Variants in AKAP13 observed in about 807,000 individuals in gnomAD.
AKAP13 encodes A-kinase anchoring protein 13, also known as A-kinase anchor protein 13.
AKAP13 carries 80 observed loss-of-function variants against 264.5 expected under a neutral mutation model. The ratio of observed to expected loss-of-function variants is 0.30; its 90% CI spans 0.25 to 0.36. The LOEUF (loss-of-function observed/expected upper bound fraction) is 0.36. Among genes scored for constraint, AKAP13 ranks in the 10% least tolerant of loss-of-function variants. The pLI, the probability that AKAP13 is intolerant of heterozygous loss-of-function variation, is 1.00. For synonymous variants in AKAP13, 1,380 were observed against 1,250.2 expected, an observed-to-expected ratio of 1.10 and a Z score of -2.19; for missense variants, 3,712 against 3,435.2, an observed-to-expected ratio of 1.08 and a Z score of -2.01.
intron 2 of AKAP13, among the ~76,000 whole-genome samples, chr15:85,511,554 C>A (rs2076421944): frequency 6.6e-6 from 1 of 152,114 alleles, no homozygotes; most frequent in African/African-American, 2.4e-5. Context: ...TTAGAGATAC[C>A]CCTTTTTCTC....
At chr15:85,673,862 T>G (rs1394792734) in intron 14 of AKAP13, among the ~76,000 whole-genome samples, 12 of 149,632 alleles carry the variant, frequency 8.0e-5, no homozygotes, top group Non-Finnish European at 1.3e-4. Flanking sequence ...ATTTTTTTTT[T>G]GCATGTTTTT....
rs1267763828 is a variant in AKAP13, at chr15:85,580,681, G to A, written c.2613G>A (p.Glu871=). 1 of 1,614,066 alleles carries A rather than the reference G, an allele frequency of 6.2e-7. No homozygotes were observed. Among genetic ancestry groups the A allele is most frequent in the Non-Finnish European group, 8.5e-7 (1 of 1,180,026 alleles). ...CCAGTCTCACAGGACTTGGTGGAGA[G>A]CATGAGGGTCCCGCCCCTCCAGCAA... The part of the protein sequence containing the change: ...GNTSLTGLGG[E]HEGPAPPAIP... The change falls in exon 7 of 37, where the codon GAG becomes GAA. Residue 871 remains glutamate (E), a synonymous_variant. Transcript: ENST00000394518.
chr15:85,485,791 A>G (rs759436762), intron 2 of AKAP13, 38 bp downstream of exon 2: 1 of 1,598,946 alleles, frequency 6.3e-7, no homozygotes, highest in East Asian at 2.2e-5. Context: ...TTTTGTGTTT[A>G]TCTGTTCTGC....
intron 14 of AKAP13, among the ~76,000 whole-genome samples, chr15:85,676,180 G>T (rs1031973788): frequency 1.3e-5 from 2 of 152,152 alleles, no homozygotes; most frequent in Admixed American, 6.5e-5. Flanking sequence ...CAAAGTGCTG[G>T]GATTACAGGC....
chr15:85,638,642 G>T (rs1359861558), intron 8 of AKAP13, among the ~76,000 whole-genome samples: 4 of 152,116 alleles, frequency 2.6e-5, no homozygotes, highest in Admixed American at 2.0e-4. Flanking sequence ...GAGGTGTAAA[G>T]GCAATATTTA....
rs1597255747 is a variant in AKAP13 at position 85,744,576 on chromosome 15, G to A, written c.8393-52G>A. The A allele has an allele frequency of 1.9e-6, 3 of 1,596,470 alleles. No homozygotes were observed. The East Asian group carries it at 6.7e-5, about 36-fold the overall frequency. On this transcript the variant is annotated intron_variant, in intron 36 of 36. Coordinates refer to ENST00000394518, the MANE Select transcript of AKAP13 (RefSeq NM_007200.5). ...CTTTGGGATGGGGAGGAAGTTCAAT[G>A]AAAGGAGCAGTTTTTCTGAATTTTT...
chr15:85,489,884 A>G (rs1232268780), intron 2 of AKAP13, among the ~76,000 whole-genome samples: 2 of 152,248 alleles, frequency 1.3e-5, no homozygotes, highest in African/African-American at 4.8e-5. Flanking sequence ...TGTTCACCAT[A>G]AAATGTGCAG....
At chr15:85,387,932 T>C (rs1483538427) in intron 1 of AKAP13, among the ~76,000 whole-genome samples, 1 of 152,200 alleles carries the variant, frequency 6.6e-6, no homozygotes, top group Non-Finnish European at 1.5e-5. Context: ...TTTTTAGTAA[T>C]AGAAGCTTTT....
At chr15:85,494,872 AAAT>A (rs1444890375) in intron 2 of AKAP13, among the ~76,000 whole-genome samples, 3 of 152,126 alleles carry the variant, frequency 2.0e-5, no homozygotes, top group African/African-American at 7.2e-5. Flanking sequence ...TAAGAGAAAA[AAAT>A]GTAGCAATTG....
At chr15:85,420,337 C>G (rs1324735541) in intron 1 of AKAP13, among the ~76,000 whole-genome samples, 2 of 152,036 alleles carry the variant, frequency 1.3e-5, no homozygotes, top group African/African-American at 4.8e-5. Context: ...TGCTGAGCTG[C>G]AAAACAGCTT....
intron 2 of AKAP13, among the ~76,000 whole-genome samples, chr15:85,508,750 C>G (rs1379349806): frequency 3.9e-5 from 6 of 152,186 alleles, no homozygotes; most frequent in Admixed American, 3.9e-4. Context: ...CGCCTTCCAT[C>G]CAGTGTTCAT....
At chr15:85,477,485 G>A (rs564845901) in intron 1 of AKAP13, among the ~76,000 whole-genome samples, 6 of 152,100 alleles carry the variant, frequency 3.9e-5, no homozygotes, top group Admixed American at 6.5e-5. Context: ...AGTCTGGCCT[G>A]GCCCTGTTGG....
chr15:85,714,966 CA>C (rs200153697), intron 19 of AKAP13, among the ~76,000 whole-genome samples: 18 of 145,902 alleles, frequency 1.2e-4, no homozygotes, highest in African/African-American at 2.8e-4. Context: ...GACTGCATTT[CA>C]AAAAAAAAAG....
intron 2 of AKAP13, among the ~76,000 whole-genome samples, chr15:85,488,730 G>A (rs1015565831): frequency 1.3e-5 from 2 of 152,216 alleles, no homozygotes; most frequent in Admixed American, 6.5e-5. Context: ...ACGGAATGCA[G>A]CTCTAGAAGC....
At chr15:85,416,412 T>C (rs1426975097) in intron 1 of AKAP13, among the ~76,000 whole-genome samples, 3 of 152,170 alleles carry the variant, frequency 2.0e-5, no homozygotes, top group Non-Finnish European at 4.4e-5. Context: ...CTGGTTTTTT[T>C]CCTCCCTGCT....
At position 85,587,517 on chromosome 15, in the gene AKAP13, G is replaced by A. The variant is rs1259819504; in HGVS notation, c.4161+1694G>A. ...TGTACATTTGTGTACAAAATTATGT[G>A]GACATGTTTTTATATACCTAGTGGA... On this transcript the variant is annotated intron_variant, in intron 8 of 36. Transcript: ENST00000394518. 5.3e-5 allele frequency among the ~76,000 whole-genome samples: 8 copies of A among 152,108 alleles called. No homozygotes were observed. In the East Asian group the frequency reaches 1.5e-3, roughly 29 times the overall value.
chr15:85,413,378 A>T (rs1008189477), intron 1 of AKAP13, among the ~76,000 whole-genome samples: 1 of 152,176 alleles, frequency 6.6e-6, no homozygotes, highest in Non-Finnish European at 1.5e-5. Flanking sequence ...ATTTTTCAGG[A>T]TGGCTGTAGT....
At chr15:85,426,758 C>G (rs1344912760) in intron 1 of AKAP13, among the ~76,000 whole-genome samples, 1 of 152,094 alleles carries the variant, frequency 6.6e-6, no homozygotes, top group East Asian at 1.9e-4. Context: ...ATCTCTCTGT[C>G]TGCAATGTTT....
chr15:85,618,243 C>T (rs2081027447), intron 8 of AKAP13, among the ~76,000 whole-genome samples: 1 of 152,200 alleles, frequency 6.6e-6, no homozygotes, highest in Non-Finnish European at 1.5e-5. Flanking sequence ...GAGGACACAG[C>T]AACTCATCTA....
Sources: gnomAD v4.1 joint callset for allele counts (sites outside exome capture counted in the v4.1 genomes callset) on GRCh38, gnomAD v4.1.1 for gene constraint, MANE v1.5 for transcripts, NCBI Gene and HGNC (gene_info 2026-07-23, HGNC 2026-07-21) for gene names.